The following ARFGEF2 variants were observed in gnomAD, a reference collection of about 807,000 sequenced individuals.
ARFGEF2 encodes the protein brefeldin A-inhibited guanine nucleotide-exchange protein 2.
In ARFGEF2, 74 loss-of-function variants were observed where a neutral mutation model predicts 219.9. The observed-to-expected ratio is 0.34, with a 90% confidence interval of 0.28 to 0.41. The LOEUF (loss-of-function observed/expected upper bound fraction) is 0.41. Ranked by LOEUF, ARFGEF2 falls within the 10% of genes least tolerant of loss-of-function variation. ARFGEF2 has a pLI of 1.00. For synonymous variants in ARFGEF2, 733 were observed against 799.2 expected (o/e 0.92, Z 1.40); for missense variants, 1,743 against 2,218.3 (o/e 0.79, Z 4.30).
At chr20:49,029,902 ATT>A (rs3092436) in intron 37 of ARFGEF2, among the ~76,000 whole-genome samples, 20,857 of 95,768 alleles carry the variant, frequency 0.22, 1,365 homozygotes, top group East Asian at 0.39. Context: ...CTAAAAGTGA[ATT>A]TTTTTTTTTT....
chr20:48,945,894 A>C (rs1443292273), intron 3 of ARFGEF2, among the ~76,000 whole-genome samples: 1 of 152,156 alleles, frequency 6.6e-6, no homozygotes, highest in African/African-American at 2.4e-5. Flanking sequence ...ACAGAAAGGA[A>C]TGGAAGTTCT....
At chr20:48,965,848 A>G (rs1267512353) in intron 7 of ARFGEF2, 24 bp from the exon 8 acceptor site, 4 of 1,613,948 alleles carry the variant, frequency 2.5e-6, no homozygotes, top group East Asian at 2.2e-5. Flanking sequence ...TAATTTGGCT[A>G]TGACTTTGTA....
chr20:48,981,665 A>C (rs547433457), intron 14 of ARFGEF2, among the ~76,000 whole-genome samples: 1 of 152,242 alleles, frequency 6.6e-6, no homozygotes, highest in South Asian at 2.1e-4. Flanking sequence ...TATTTCTTGG[A>C]GGCTTTGTTC....
intron 38 of ARFGEF2, 42 bp downstream of exon 38, chr20:49,032,208 A>G: frequency 6.8e-7 from 1 of 1,466,716 alleles, no homozygotes; most frequent in South Asian, 1.1e-5. Context: ...CTAGGACATA[A>G]AGTTTGGGTT....
chr20:49,030,466 C>CA (rs371546042), intron 37 of ARFGEF2, among the ~76,000 whole-genome samples: 3,020 of 63,576 alleles, frequency 0.048, 23 homozygotes, highest in Non-Finnish European at 0.061. Flanking sequence ...GAAATCTTAG[C>CA]AAAAAAAAAA....
chr20:48,953,533 A>T (rs773780588), intron 5 of ARFGEF2, 23 bp from the exon 6 acceptor site: 1 of 1,604,528 alleles, frequency 6.2e-7, no homozygotes, highest in Admixed American at 1.7e-5. Flanking sequence ...AAAATGCTGT[A>T]TCCCCCTTTT....
intron 14 of ARFGEF2, among the ~76,000 whole-genome samples, chr20:48,984,101 G>A (rs1304761123): frequency 1.3e-5 from 2 of 151,864 alleles, no homozygotes; most frequent in African/African-American, 4.8e-5. Context: ...GCTTAACTAT[G>A]TATTTCTCTC....
At chr20:49,006,088 G>A (rs2091457798) in intron 26 of ARFGEF2, among the ~76,000 whole-genome samples, 1 of 152,098 alleles carries the variant, frequency 6.6e-6, no homozygotes, top group Non-Finnish European at 1.5e-5. Flanking sequence ...CTGAGCAGGA[G>A]TTCAAGACCA....
intron 13 of ARFGEF2, among the ~76,000 whole-genome samples, chr20:48,975,093 G>A (rs189308318): frequency 2.0e-5 from 3 of 152,290 alleles, no homozygotes; most frequent in Admixed American, 2.0e-4. Flanking sequence ...TTGCTCTAGT[G>A]CCTTTTTAGT....
Position 48,921,958 on chromosome 20 carries a change from G to A in ARFGEF2, c.69G>A (p.Glu23=). Residue 23 remains glutamate, a synonymous_variant, in exon 1 of 39, where the codon GAG becomes GAA. Transcript: ENST00000371917. ...TGGAGAAGATCCTAGCCGACAAGGA[G>A]GTGAAGCGGCCCCAGCACTCCCAGC... ...RALEKILADK[E]VKRPQHSQLR... is the part of the protein sequence containing the mutation. 6.3e-7 allele frequency: 1 copy of A among 1,575,006 alleles called. No individual in the cohort carries two copies. Among genetic ancestry groups the A allele is most frequent in the Non-Finnish European group, 8.6e-7 (1 of 1,160,508 alleles).
At position 48,995,847 on chromosome 20, in the gene ARFGEF2, G is replaced by A. The variant is rs574225294; in HGVS notation, c.3186G>A (p.Glu1062=). 6.2e-7 allele frequency: 1 copy of A among 1,614,216 alleles called. No homozygotes were observed. Among genetic ancestry groups the A allele is most frequent in the African/African-American group, 1.3e-5 (1 of 75,068 alleles). ...CCAGCTTCCAAGAATCGGTTGGTGA[G>A]ACCAGCTCGCAGAGTGTGGTTGTAG... ...QMASFQESVG[E]TSSQSVVVAV... Residue 1062 remains glutamate, a synonymous_variant, in exon 23 of 39, where the codon GAG becomes GAA. Coordinates refer to ENST00000371917, the MANE Select transcript of ARFGEF2 (RefSeq NM_006420.3).
At position 48,997,927 on chromosome 20, in the gene ARFGEF2, G is replaced by A. The variant is rs140400428; in HGVS notation, c.3222-266G>A. Among the ~76,000 whole-genome samples the A allele has an allele frequency of 4.8e-3, 736 of 152,148 alleles. 2 individuals are homozygous for A. The highest frequency in any genetic ancestry group is 8.3e-3 in the Non-Finnish European group (561 of 67,994). On this transcript the variant is annotated intron_variant, in intron 23 of 38. Transcript: ENST00000371917. Reference sequence around the variant, plus strand: ...GGCTGGAGTGCAGTGGCGCAATCTCGGCTTACTGCAACTTCTGCCTCCCGA... The same window carrying A: ...GGCTGGAGTGCAGTGGCGCAATCTCAGCTTACTGCAACTTCTGCCTCCCGA...
intron 22 of ARFGEF2, 91 bp from the exon 23 acceptor site, chr20:48,995,692 C>A: frequency 9.4e-7 from 1 of 1,069,422 alleles, no homozygotes; most frequent in Non-Finnish European, 1.5e-6. Context: ...CATTTATGTC[C>A]CCTGTCCCTG....
At chr20:48,974,651 C>A in intron 12 of ARFGEF2, 115 bp from the exon 13 acceptor site, 1 of 777,062 alleles carries the variant, frequency 1.3e-6, no homozygotes. Flanking sequence ...TTCTTAATAG[C>A]ACTGACTGTC....
At chr20:48,985,315 C>A in intron 15 of ARFGEF2, 93 bp from the exon 16 acceptor site, 1 of 1,363,000 alleles carries the variant, frequency 7.3e-7, no homozygotes, top group Non-Finnish European at 1.0e-6. Flanking sequence ...GCAGTTAGGG[C>A]CAGGCTATTC....
chr20:48,930,991 A>G (rs1400335483), intron 1 of ARFGEF2, among the ~76,000 whole-genome samples: 1 of 152,254 alleles, frequency 6.6e-6, no homozygotes, highest in Non-Finnish European at 1.5e-5. Context: ...GAGTGAGGTC[A>G]GTAAGGTGAA....
At chr20:48,957,049 C>T (rs1343034779) in intron 6 of ARFGEF2, among the ~76,000 whole-genome samples, 1 of 152,190 alleles carries the variant, frequency 6.6e-6, no homozygotes, top group Non-Finnish European at 1.5e-5. Flanking sequence ...AGACTCCTCC[C>T]ATTTTTTCCC....
chr20:48,972,289 GTTAA>G lies in ARFGEF2; in HGVS notation c.1426-33_1426-30del, dbSNP rs1269365476. 5 of 1,475,778 alleles carry G rather than the reference GTTAA, an allele frequency of 3.4e-6. No homozygotes were observed. The African/African-American group carries it at 5.6e-5, about 16-fold the overall frequency. 91.4% of individuals were successfully genotyped at this position (1,475,778 alleles called of 1,614,324 possible). A position where few individuals can be genotyped will look rare whatever the true frequency, so the allele number is the denominator to read the frequency against. On this transcript the variant is annotated intron_variant, in intron 10 of 38. Coordinates refer to ENST00000371917, the MANE Select transcript of ARFGEF2 (RefSeq NM_006420.3). The stretch of plus-strand genomic sequence containing the variant: ...GAGGTTTTGAGCCCTGGTTGAAACT[GTTAA>G]TTAGTGTCCTCCTTTGTCTTTATGT...
At chr20:49,031,244 TTTTTTG>T (rs1448961415) in intron 37 of ARFGEF2, among the ~76,000 whole-genome samples, 4 of 142,450 alleles carry the variant, frequency 2.8e-5, no homozygotes, top group African/African-American at 1.1e-4. Context: ...TTTTTTTTTT[TTTTTTG>T]AGATAGTCTC....
Sources: gnomAD v4.1 joint callset for allele counts (sites outside exome capture counted in the v4.1 genomes callset) on GRCh38, gnomAD v4.1.1 for gene constraint, MANE v1.5 for transcripts, NCBI Gene and HGNC (gene_info 2026-07-23, HGNC 2026-07-21) for gene names.